The following KCNK10 variants were observed in gnomAD, a reference collection of about 807,000 sequenced individuals.
KCNK10 encodes the protein potassium channel subfamily K member 10.
A neutral mutation model predicts 47.7 loss-of-function variants in KCNK10; 25 were observed. The observed-to-expected ratio is 0.52, with a 90% CI of 0.38 to 0.73. The LOEUF (loss-of-function observed/expected upper bound fraction) is 0.73, where lower values mean the gene tolerates loss of function less well. Among genes scored for constraint, KCNK10 ranks in the 30% least tolerant of loss-of-function variants. The pLI, the probability that KCNK10 is intolerant of heterozygous loss-of-function variation, is 0.00. For missense variants in KCNK10, 563 were observed against 714.5 expected (o/e 0.79, Z 2.42); for synonymous variants, 303 against 285.6 (o/e 1.06, Z -0.61).
At chr14:88,263,639 C>G in intron 1 of KCNK10, 88 bp from the exon 2 acceptor site, 1 of 1,182,678 alleles carries the variant, frequency 8.5e-7, no homozygotes, top group Non-Finnish European at 1.2e-6. Flanking sequence ...CAGATGTCTT[C>G]TTTGAGCCAG....
intron 1 of KCNK10, among the ~76,000 whole-genome samples, chr14:88,267,974 A>T (rs1472978175): frequency 1.3e-5 from 2 of 152,206 alleles, no homozygotes; most frequent in East Asian, 3.9e-4. Flanking sequence ...ACACTGCATG[A>T]GTCCAGGTAG....
chr14:88,192,065 A>T (rs140761286), intron 5 of KCNK10, among the ~76,000 whole-genome samples, 159 bp downstream of exon 5: 70 of 152,364 alleles, frequency 4.6e-4, no homozygotes, highest in African/African-American at 1.6e-3. Flanking sequence ...TATATTACAT[A>T]GGACTAGGGA....
chr14:88,240,843 T>A (rs1595099317), intron 2 of KCNK10, 23 bp from the exon 3 acceptor site: 14 of 1,368,272 alleles, frequency 1.0e-5, no homozygotes, highest in East Asian at 9.2e-5. Flanking sequence ...GGAAAAAGCA[T>A]AAGACTCAGT....
At chr14:88,309,448 A>G (rs1888267202) in intron 1 of KCNK10, among the ~76,000 whole-genome samples, 1 of 152,126 alleles carries the variant, frequency 6.6e-6, no homozygotes, top group Non-Finnish European at 1.5e-5. Flanking sequence ...CAAAAAATGC[A>G]TAAATTTGCC....
intron 2 of KCNK10, among the ~76,000 whole-genome samples, chr14:88,257,031 C>G (rs1886976608): frequency 6.6e-6 from 1 of 152,164 alleles, no homozygotes; most frequent in Non-Finnish European, 1.5e-5. Context: ...GGCTACAGGC[C>G]ATGCAGGGAT....
intron 1 of KCNK10, among the ~76,000 whole-genome samples, chr14:88,315,594 C>T (rs1234598041): frequency 6.6e-6 from 1 of 152,006 alleles, no homozygotes; most frequent in Non-Finnish European, 1.5e-5. Flanking sequence ...TAGGGGATCT[C>T]GAGTTCTGCT....
At chr14:88,215,083 C>T (rs1428918450) in intron 4 of KCNK10, among the ~76,000 whole-genome samples, 2 of 152,000 alleles carry the variant, frequency 1.3e-5, no homozygotes, top group African/African-American at 4.8e-5. Flanking sequence ...AATTAAGAAA[C>T]AATAATGATC....
chr14:88,262,041 G>A (rs375815389), intron 2 of KCNK10, among the ~76,000 whole-genome samples: 14 of 152,296 alleles, frequency 9.2e-5, no homozygotes, highest in African/African-American at 3.4e-4. Context: ...TATTGGTATG[G>A]TAAGAAATAA....
intron 2 of KCNK10, among the ~76,000 whole-genome samples, chr14:88,258,500 AG>A (rs1887021328): frequency 6.6e-6 from 1 of 152,176 alleles, no homozygotes; most frequent in African/African-American, 2.4e-5. Context: ...CATGTTGGTC[AG>A]GCTGGTCTCA....
intron 1 of KCNK10, among the ~76,000 whole-genome samples, chr14:88,277,213 G>GA (rs35748130): frequency 0.045 from 6,507 of 144,650 alleles, 378 homozygotes; most frequent in African/African-American, 0.14. Context: ...AACTTAAATG[G>GA]AAAAAAAAAA....
chr14:88,209,359 G>T (rs745465925), intron 4 of KCNK10, among the ~76,000 whole-genome samples: 1 of 152,158 alleles, frequency 6.6e-6, no homozygotes, highest in South Asian at 2.1e-4. Context: ...TAGAATCTGC[G>T]TATGTGGTAA....
chr14:88,295,608 C>T (rs900461965), intron 1 of KCNK10, among the ~76,000 whole-genome samples: 1 of 151,952 alleles, frequency 6.6e-6, no homozygotes. Context: ...TGCAGTGGGC[C>T]GGGATCGTGC....
At chr14:88,303,518 G>A (rs931672582) in intron 1 of KCNK10, among the ~76,000 whole-genome samples, 11 of 152,170 alleles carry the variant, frequency 7.2e-5, no homozygotes, top group African/African-American at 9.6e-5. Context: ...GGTGGCTGGC[G>A]GCAATGCGGG....
chr14:88,312,886 C>T (rs1466065052), intron 1 of KCNK10, among the ~76,000 whole-genome samples: 1 of 152,114 alleles, frequency 6.6e-6, no homozygotes, highest in Non-Finnish European at 1.5e-5. Context: ...CATCATCATG[C>T]TCACTGTCTT....
intron 1 of KCNK10, among the ~76,000 whole-genome samples, chr14:88,293,386 T>C (rs1046784245): frequency 6.6e-6 from 1 of 152,138 alleles, no homozygotes; most frequent in Non-Finnish European, 1.5e-5. Context: ...GATTTTAAAA[T>C]AATAAAAACC....
At chr14:88,326,596 A>C, upstream of KCNK10, 1 of 668,660 alleles carries the variant, frequency 1.5e-6, no homozygotes, top group East Asian at 2.7e-5. Context: ...ATCGTGGCGC[A>C]AAGTCTCCCT....
Position 88,186,961 on chromosome 14 carries a change from A to AC in KCNK10, c.1012-807_1012-806insG, listed in dbSNP as rs1181219512. ...GCTCTTAATGAACAGGGCAGACAGTATAAGTCCCATGCTTCCCTCTGCAAA... is the reference window on the plus strand; with the variant it reads ...GCTCTTAATGAACAGGGCAGACAGTACTAAGTCCCATGCTTCCCTCTGCAAA... On this transcript the variant is annotated intron_variant, in intron 6 of 6. Transcript: ENST00000319231. The surrounding 1 kb of genome is among the most constrained non-coding windows in gnomAD (Gnocchi z 5.5). Among the ~76,000 whole-genome samples, 2 of 152,246 alleles carry AC rather than the reference A, an allele frequency of 1.3e-5. No individual in the cohort carries two copies. Among genetic ancestry groups the AC allele is most frequent in the Non-Finnish European group, 2.9e-5 (2 of 68,040 alleles).
At chr14:88,197,399 C>A (rs940342798) in intron 4 of KCNK10, among the ~76,000 whole-genome samples, 12 of 151,400 alleles carry the variant, frequency 7.9e-5, no homozygotes, top group African/African-American at 2.9e-4. Context: ...TGGGGAAACC[C>A]CAACTCTACT....
intron 3 of KCNK10, among the ~76,000 whole-genome samples, chr14:88,236,388 T>C (rs911114860): frequency 2.0e-5 from 3 of 152,098 alleles, no homozygotes; most frequent in Non-Finnish European, 2.9e-5. Flanking sequence ...ATCCTTCAAA[T>C]GTTAAGCTAC....
Sources: allele counts gnomAD v4.1 joint callset (sites outside exome capture counted in the v4.1 genomes callset), GRCh38; gene constraint gnomAD v4.1.1; non-coding constraint Gnocchi (gnomAD v3.1); transcripts MANE v1.5; gene names NCBI Gene and HGNC (gene_info 2026-07-23, HGNC 2026-07-21).